Variants in DSCAM observed in about 807,000 individuals in gnomAD.
DSCAM encodes the protein DS cell adhesion molecule.
Under a neutral mutation model 217.7 loss-of-function variants are expected in DSCAM, and 47 were observed. The observed-to-expected ratio is 0.22, with a 90% CI of 0.17 to 0.28. The LOEUF (loss-of-function observed/expected upper bound fraction) is 0.28, where lower values mean the gene tolerates loss of function less well. Among genes scored for constraint, DSCAM ranks in the 10% least tolerant of loss-of-function variants. DSCAM has a pLI of 1.00. For missense variants in DSCAM, 2,080 were observed against 2,618.3 expected (o/e 0.79, Z 4.49); for synonymous variants, 1,056 against 1,015.3 (o/e 1.04, Z -0.76).
chr21:40,220,295 T>C (rs977035094), intron 11 of DSCAM, among the ~76,000 whole-genome samples: 1 of 152,138 alleles, frequency 6.6e-6, no homozygotes, highest in African/African-American at 2.4e-5. Context: ...TTTCCAAACG[T>C]AGCCAAGTCA....
chr21:40,428,109 G>A (rs1431511851), intron 3 of DSCAM, among the ~76,000 whole-genome samples: 1 of 152,038 alleles, frequency 6.6e-6, no homozygotes, highest in Non-Finnish European at 1.5e-5. Flanking sequence ...CTGAAATTTA[G>A]GCTTGGCATG....
intron 3 of DSCAM, among the ~76,000 whole-genome samples, chr21:40,685,304 T>A (rs952236933): frequency 6.6e-6 from 1 of 152,314 alleles, no homozygotes; most frequent in Non-Finnish European, 1.5e-5. Flanking sequence ...CCTTGGCTGG[T>A]ATCTGGGAAC....
chr21:40,137,992 C>T (rs1406581587), intron 18 of DSCAM, among the ~76,000 whole-genome samples: 3 of 152,022 alleles, frequency 2.0e-5, no homozygotes, highest in Non-Finnish European at 4.4e-5. Flanking sequence ...ACTTTCCTAG[C>T]AATCTCAAAT....
rs539913008 is a variant in DSCAM at position 40,785,977 on chromosome 21, C to T, written c.43+60642G>A. On this transcript the variant is annotated intron_variant, in intron 1 of 32. Transcript: ENST00000400454. ...TCTGGCCGGACACAGTGGCTCATGC[C>T]TGTAATCCCAGCACTTTGGGAGGCC... Among the ~76,000 whole-genome samples, 12 of 152,328 alleles carry T rather than the reference C, an allele frequency of 7.9e-5. No homozygotes were observed. In the South Asian group the frequency reaches 1.9e-3, roughly 24 times the overall value.
chr21:40,247,737 G>A (rs140414497), intron 11 of DSCAM, among the ~76,000 whole-genome samples: 126 of 152,310 alleles, frequency 8.3e-4, no homozygotes, highest in African/African-American at 3.0e-3. Flanking sequence ...ACCATTCTGG[G>A]GTCTGGAGGA....
At chr21:40,227,767 C>T (rs533312822) in intron 11 of DSCAM, among the ~76,000 whole-genome samples, 131 of 152,350 alleles carry the variant, frequency 8.6e-4, no homozygotes, top group African/African-American at 2.8e-3. Context: ...CACATCTCCA[C>T]ATCCAGTTCC....
chr21:40,098,490 G>T (rs2146603760), intron 20 of DSCAM, among the ~76,000 whole-genome samples: 1 of 152,340 alleles, frequency 6.6e-6, no homozygotes, highest in Admixed American at 6.5e-5. Flanking sequence ...AATGGCTCCA[G>T]CTCAGGGCCT....
chr21:40,415,126 G>C (rs1452359617), intron 3 of DSCAM, among the ~76,000 whole-genome samples: 1 of 152,128 alleles, frequency 6.6e-6, no homozygotes, highest in Non-Finnish European at 1.5e-5. Flanking sequence ...GTACTCAATA[G>C]AATGTATTTC....
chr21:40,300,916 G>A (rs953126959), intron 9 of DSCAM, among the ~76,000 whole-genome samples: 2 of 152,182 alleles, frequency 1.3e-5, no homozygotes, highest in African/African-American at 4.8e-5. Flanking sequence ...ACTGTTCTAC[G>A]TGATTCCTTA....
intron 1 of DSCAM, among the ~76,000 whole-genome samples, chr21:40,827,979 T>C (rs2091983517): frequency 2.0e-5 from 3 of 152,182 alleles, no homozygotes; most frequent in Non-Finnish European, 4.4e-5. Flanking sequence ...AGGAATTGGA[T>C]GGAAGAAGGA....
intron 16 of DSCAM, among the ~76,000 whole-genome samples, chr21:40,162,359 G>A (rs2090549179): frequency 6.6e-6 from 1 of 152,210 alleles, no homozygotes; most frequent in African/African-American, 2.4e-5. Context: ...CAGTTGGCCA[G>A]GAAATACTAG....
chr21:40,209,969 A>G (rs897518890), intron 11 of DSCAM, among the ~76,000 whole-genome samples: 1 of 152,190 alleles, frequency 6.6e-6, no homozygotes, highest in African/African-American at 2.4e-5. Flanking sequence ...CAGTTTTCAC[A>G]GCTTAAAAGT....
intron 1 of DSCAM, among the ~76,000 whole-genome samples, chr21:40,735,227 C>G (rs1214770877): frequency 6.6e-6 from 1 of 152,170 alleles, no homozygotes; most frequent in Non-Finnish European, 1.5e-5. Flanking sequence ...TTTCTAACAC[C>G]TAGTACGGCA....
intron 1 of DSCAM, among the ~76,000 whole-genome samples, chr21:40,838,369 C>G (rs1368071532): frequency 6.6e-6 from 1 of 152,200 alleles, no homozygotes; most frequent in Non-Finnish European, 1.5e-5. Context: ...CAACAGCCCC[C>G]CTCAGCCCCT....
At chr21:40,462,924 G>A (rs918648229) in intron 3 of DSCAM, among the ~76,000 whole-genome samples, 2 of 152,088 alleles carry the variant, frequency 1.3e-5, no homozygotes, top group Non-Finnish European at 2.9e-5. Flanking sequence ...ATTCAACTTT[G>A]CAAAATAGAA....
chr21:40,032,679 G>A (rs542139613), intron 32 of DSCAM, among the ~76,000 whole-genome samples: 1 of 152,134 alleles, frequency 6.6e-6, no homozygotes, highest in South Asian at 2.1e-4. Flanking sequence ...TGGACTCTAT[G>A]CTCCCCTTTG....
At chr21:40,263,540 A>G (rs1210610165) in intron 11 of DSCAM, among the ~76,000 whole-genome samples, 2 of 152,216 alleles carry the variant, frequency 1.3e-5, no homozygotes, top group African/African-American at 4.8e-5. Flanking sequence ...AGTTATCAAA[A>G]TCTCTGGGAT....
intron 9 of DSCAM, among the ~76,000 whole-genome samples, chr21:40,299,657 G>A (rs1026002072): frequency 4.6e-5 from 7 of 152,124 alleles, no homozygotes; most frequent in Non-Finnish European, 8.8e-5. Flanking sequence ...CACCAGCTAA[G>A]ATTAAAATTC....
At chr21:40,396,608 T>C (rs896414685) in intron 3 of DSCAM, among the ~76,000 whole-genome samples, 18 of 152,124 alleles carry the variant, frequency 1.2e-4, no homozygotes, top group African/African-American at 4.1e-4. Flanking sequence ...AGGAAAATAC[T>C]GGAGAATGCA....
Sources: allele counts gnomAD v4.1 joint callset (sites outside exome capture counted in the v4.1 genomes callset), GRCh38; gene constraint gnomAD v4.1.1; transcripts MANE v1.5; gene names NCBI Gene and HGNC (gene_info 2026-07-23, HGNC 2026-07-21).